FLRT2: variants seen among roughly 807,000 people sequenced by gnomAD.
FLRT2 encodes the protein leucine-rich repeat transmembrane protein FLRT2.
In FLRT2, 15 loss-of-function variants were observed where a neutral mutation model predicts 40.0. That is an observed-to-expected ratio of 0.38 (90% confidence interval 0.25 to 0.58). FLRT2 has a LOEUF of 0.58. FLRT2 is among the 20% of genes least tolerant of loss of function. FLRT2 has a pLI of 0.71. For missense variants in FLRT2, 726 were observed against 840.0 expected (o/e 0.86, Z 1.68); for synonymous variants, 380 against 336.8 (o/e 1.13, Z -1.41).
intron 1 of FLRT2, among the ~76,000 whole-genome samples, chr14:85,617,085 T>C (rs1338328233): frequency 6.6e-6 from 1 of 152,060 alleles, no homozygotes; most frequent in Non-Finnish European, 1.5e-5. Context: ...GGGACATATA[T>C]ATGGCAACAT....
intron 1 of FLRT2, among the ~76,000 whole-genome samples, chr14:85,583,422 T>G (rs1034322852): frequency 6.6e-6 from 1 of 152,184 alleles, no homozygotes; most frequent in Non-Finnish European, 1.5e-5. Context: ...GTCAAGGAGT[T>G]AATCCATTGA....
At chr14:85,604,353 A>C (rs1226515500) in intron 1 of FLRT2, among the ~76,000 whole-genome samples, 1 of 152,058 alleles carries the variant, frequency 6.6e-6, no homozygotes, top group Non-Finnish European at 1.5e-5. Flanking sequence ...CAACATTTAT[A>C]TATTGCCTGG....
intron 1 of FLRT2, among the ~76,000 whole-genome samples, chr14:85,570,719 C>A (rs1303564458): frequency 6.6e-6 from 1 of 151,674 alleles, no homozygotes; most frequent in Non-Finnish European, 1.5e-5. Context: ...GTAGCTGGGA[C>A]TCCAGGCACC....
At chr14:85,566,300 G>A (rs935100941) in intron 1 of FLRT2, among the ~76,000 whole-genome samples, 2 of 152,118 alleles carry the variant, frequency 1.3e-5, no homozygotes, top group African/African-American at 4.8e-5. Flanking sequence ...AGGGAAGATG[G>A]TTTTCACCGG....
intron 1 of FLRT2, among the ~76,000 whole-genome samples, chr14:85,576,572 T>C (rs1202817907): frequency 1.3e-5 from 2 of 152,240 alleles, no homozygotes; most frequent in Non-Finnish European, 1.5e-5. Context: ...GCCTCCAGCA[T>C]TCTTTTAAGG....
At chr14:85,573,281 C>T (rs537147753) in intron 1 of FLRT2, among the ~76,000 whole-genome samples, 1 of 152,224 alleles carries the variant, frequency 6.6e-6, no homozygotes, top group African/African-American at 2.4e-5. Flanking sequence ...ACTCACACAT[C>T]ACACATATCA....
rs1894322149 is a variant in FLRT2 at position 85,646,996 on chromosome 14, G to T, written c.*23499G>T. On this transcript the variant is annotated 3_prime_UTR_variant, in exon 2 of 2. Coordinates refer to ENST00000330753, the MANE Select transcript of FLRT2 (RefSeq NM_013231.6). ...ACATGCACAGCTGACCAAAGCTATA[G>T]CTTCCCAATTACTTGATGAACAGCT... 1 of 152,162 alleles carries T rather than the reference G, an allele frequency of 6.6e-6. No individual in the cohort carries two copies. Among genetic ancestry groups the T allele is most frequent in the African/African-American group, 2.4e-5 (1 of 41,438 alleles). The allele number at this position is 152,162 out of a possible 1,614,324, so 9.4% of individuals were successfully genotyped here.
rs1315641654 is a variant in FLRT2 at position 85,642,743 on chromosome 14, A to G, written c.*19246A>G. 1 of 152,196 alleles carries G rather than the reference A, an allele frequency of 6.6e-6. No homozygotes were observed. Among genetic ancestry groups the G allele is most frequent in the Non-Finnish European group, 1.5e-5 (1 of 68,038 alleles). 9.4% of individuals were successfully genotyped at this position (152,196 alleles called of 1,614,324 possible). A position where few individuals can be genotyped will look rare whatever the true frequency, so the allele number is the denominator to read the frequency against. On this transcript the variant is annotated 3_prime_UTR_variant, in exon 2 of 2. Coordinates refer to ENST00000330753, the MANE Select transcript of FLRT2 (RefSeq NM_013231.6). Reference sequence around the variant, plus strand: ...CTTACCCAACCAGCTCAGAGTGATTATAATTGTTTTGCTTTCTGGATTGGT... The same window carrying G: ...CTTACCCAACCAGCTCAGAGTGATTGTAATTGTTTTGCTTTCTGGATTGGT...
At chr14:85,543,825 C>G (rs1368450650) in intron 1 of FLRT2, among the ~76,000 whole-genome samples, 1 of 152,194 alleles carries the variant, frequency 6.6e-6, no homozygotes, top group Middle Eastern at 3.2e-3. Flanking sequence ...CACTTTCCCT[C>G]CTGGTTACTC....
intron 1 of FLRT2, among the ~76,000 whole-genome samples, chr14:85,537,691 A>G (rs1299174516): frequency 6.6e-6 from 1 of 152,046 alleles, no homozygotes; most frequent in Non-Finnish European, 1.5e-5. Context: ...CCTTTTTTAA[A>G]GGCTATGACA....
chr14:85,636,390 G>GAAAAAAAAAAAAAAAAAAAAAAAAAAAA lies in FLRT2; in HGVS notation c.*12911_*12912insAAAAAAAAAAAAAAAAAAAAAAAAAAAA, dbSNP rs35764416. ...AAAATCAAAGGTGAAGTCACCTGCA[G>GAAAAAAAAAAAAAAAAAAAAAAAAAAAA]AAAAAAAAAAAAAAAAAACAAAAAA... On this transcript the variant is annotated 3_prime_UTR_variant, in exon 2 of 2. Transcript: ENST00000330753. The GAAAAAAAAAAAAAAAAAAAAAAAAAAAA allele has an allele frequency of 1.3e-5, 1 of 75,316 alleles. No individual in the cohort carries two copies. The highest frequency in any genetic ancestry group is 5.0e-5 in the African/African-American group (1 of 19,920). The allele number at this position is 75,316 out of a possible 1,614,324, so 4.7% of individuals were successfully genotyped here. A position where few individuals can be genotyped will look rare whatever the true frequency, so the allele number is the denominator to read the frequency against.
Position 85,645,637 on chromosome 14 carries a change from C to T in FLRT2, c.*22140C>T, listed in dbSNP as rs1894279579. ...AAGTGGCAGAACCTATGAGAATATT[C>T]ATGCCACATGTTATTTCTTTTCAGA... On this transcript the variant is annotated 3_prime_UTR_variant, in exon 2 of 2. Transcript: ENST00000330753. The T allele has an allele frequency of 6.6e-6, 1 of 152,162 alleles. No homozygotes were observed. Among genetic ancestry groups the T allele is most frequent in the Non-Finnish European group, 1.5e-5 (1 of 68,028 alleles). The allele number at this position is 152,162 out of a possible 1,614,324, so 9.4% of individuals were successfully genotyped here. A position where few individuals can be genotyped will look rare whatever the true frequency, so the allele number is the denominator to read the frequency against.
intron 1 of FLRT2, among the ~76,000 whole-genome samples, chr14:85,596,012 T>G (rs768024274): frequency 2.6e-5 from 4 of 152,186 alleles, no homozygotes; most frequent in Non-Finnish European, 4.4e-5. Flanking sequence ...GCAATTGGGA[T>G]TGGACTGGTT....
chr14:85,553,497 T>C (rs956673523), intron 1 of FLRT2, among the ~76,000 whole-genome samples: 3 of 152,236 alleles, frequency 2.0e-5, no homozygotes, highest in Non-Finnish European at 4.4e-5. Flanking sequence ...AAAATTCTTA[T>C]GTTTTAAGAA....
intron 1 of FLRT2, among the ~76,000 whole-genome samples, chr14:85,561,875 G>T (rs1272751090): frequency 6.6e-6 from 1 of 152,162 alleles, no homozygotes; most frequent in Non-Finnish European, 1.5e-5. Flanking sequence ...TGCTGTCATT[G>T]TCTTTGTATT....
At chr14:85,541,074 A>T (rs987463635) in intron 1 of FLRT2, among the ~76,000 whole-genome samples, 12 of 152,314 alleles carry the variant, frequency 7.9e-5, no homozygotes, top group African/African-American at 2.9e-4. Flanking sequence ...CCTTAATATG[A>T]TAAAAATAGT....
chr14:85,590,673 C>T (rs1891842564), intron 1 of FLRT2, among the ~76,000 whole-genome samples: 1 of 152,046 alleles, frequency 6.6e-6, no homozygotes, highest in Non-Finnish European at 1.5e-5. Context: ...GGTCTCGGCT[C>T]ACTGCAACCT....
At chr14:85,608,810 C>G (rs141170464) in intron 1 of FLRT2, among the ~76,000 whole-genome samples, 1,726 of 152,282 alleles carry the variant, frequency 0.011, 28 homozygotes, top group African/African-American at 0.039. Flanking sequence ...AACAGGCCCA[C>G]GCAAACATTT....
rs202023252 is a variant in FLRT2, at chr14:85,647,670, A to G, written c.*24173A>G. The stretch of plus-strand genomic sequence containing the variant: ...TTAAGGAGAGTAAGTTTTTCCTACA[A>G]AGAGATGTATGTATGGGACCCAGGG... On this transcript the variant is annotated 3_prime_UTR_variant, in exon 2 of 2. Transcript: ENST00000330753. The G allele has an allele frequency of 8.3e-6, 1 of 120,148 alleles. No individual in the cohort carries two copies. The highest frequency in any genetic ancestry group is 1.8e-5 in the Non-Finnish European group (1 of 56,854). 7.4% of individuals were successfully genotyped at this position (120,148 alleles called of 1,614,324 possible).
Sources: allele counts gnomAD v4.1 joint callset (sites outside exome capture counted in the v4.1 genomes callset), GRCh38; gene constraint gnomAD v4.1.1; transcripts MANE v1.5; gene names NCBI Gene and HGNC (gene_info 2026-07-23, HGNC 2026-07-21).